The following HEATR5B variants were observed in gnomAD, a reference collection of about 807,000 sequenced individuals.
The protein encoded by HEATR5B is HEAT repeat containing 5B, also known as HEAT repeat-containing protein 5B.
In HEATR5B, 156 loss-of-function variants were observed where a neutral mutation model predicts 224.1. The observed-to-expected ratio is 0.70, with a 90% confidence interval of 0.61 to 0.80. The LOEUF (loss-of-function observed/expected upper bound fraction) is 0.80. Among genes scored for constraint, HEATR5B ranks in the 30% least tolerant of loss-of-function variants. The probability of loss-of-function intolerance (pLI) is 0.00; values close to 1 mark genes in which losing one functional copy is unlikely to be tolerated. For missense variants in HEATR5B, 2,323 were observed against 2,535.5 expected (o/e 0.92, Z 1.80); for synonymous variants, 1,027 against 893.0 (o/e 1.15, Z -2.68).
intron 7 of HEATR5B, among the ~76,000 whole-genome samples, chr2:37,069,339 G>A (rs1217113038): frequency 2.0e-5 from 3 of 152,130 alleles, no homozygotes; most frequent in Non-Finnish European, 4.4e-5. Flanking sequence ...TTTTATACTT[G>A]TTTCAGGATC....
chr2:37,007,376 T>C (rs2013223), intron 28 of HEATR5B, 72 bp from the exon 29 acceptor site: 845,071 of 1,412,040 alleles, frequency 0.6, 256,103 homozygotes, highest in African/African-American at 0.78. Flanking sequence ...CCAAGTCTCG[T>C]TCTGTCGCCC....
intron 18 of HEATR5B, among the ~76,000 whole-genome samples, chr2:37,044,277 T>A (rs1334818773): frequency 6.6e-6 from 1 of 152,212 alleles, no homozygotes; most frequent in Non-Finnish European, 1.5e-5. Flanking sequence ...TGTTGTCATA[T>A]TCCTTCCCCC....
chr2:37,079,081 A>C lies in HEATR5B; in HGVS notation c.338+39T>G, dbSNP rs1572952901. On this transcript the variant is annotated intron_variant, in intron 3 of 35. Coordinates refer to ENST00000233099, the MANE Select transcript of HEATR5B (RefSeq NM_019024.3). ...CCTACTAAGTTTCCTTGAAAGAAAA[A>C]ATAAAACTTCAAGGGCCCCTATTAA... is the stretch of plus-strand genomic sequence containing the variant. 5.3e-6 allele frequency: 7 copies of C among 1,314,070 alleles called. No homozygotes were observed. The East Asian group carries it at 1.7e-4, about 31-fold the overall frequency. The allele number at this position is 1,314,070 out of a possible 1,614,324, so 81.4% of individuals were successfully genotyped here.
rs559877759 is a variant in HEATR5B at position 37,082,384 on chromosome 2, C to A, written c.126+905G>T. On this transcript the variant is annotated intron_variant, in intron 2 of 35. Coordinates refer to ENST00000233099, the MANE Select transcript of HEATR5B (RefSeq NM_019024.3). Reference sequence around the variant, plus strand: ...CGTGAACCACCATGCCGGGCCATATCTACTTTTAAAGACAGAATATAAAAT... The same window carrying A: ...CGTGAACCACCATGCCGGGCCATATATACTTTTAAAGACAGAATATAAAAT... 5.3e-5 allele frequency among the ~76,000 whole-genome samples: 8 copies of A among 152,154 alleles called. No homozygotes were observed. In the South Asian group the frequency reaches 8.3e-4, roughly 16 times the overall value.
chr2:37,055,940 A>C (rs189691832), intron 16 of HEATR5B, among the ~76,000 whole-genome samples: 69 of 152,328 alleles, frequency 4.5e-4, no homozygotes, highest in African/African-American at 1.6e-3. Context: ...TTCTATTACA[A>C]AAAGAACCAA....
chr2:37,058,788 T>C, intron 13 of HEATR5B, 100 bp downstream of exon 13: 2 of 772,432 alleles, frequency 2.6e-6, no homozygotes, highest in Non-Finnish European at 4.2e-6. Context: ...TAAAGTTTTA[T>C]GTTTCCTAGA....
chr2:37,066,010 C>A, intron 8 of HEATR5B, 100 bp from the exon 9 acceptor site: 1 of 988,696 alleles, frequency 1.0e-6, no homozygotes, highest in Non-Finnish European at 1.5e-6. Flanking sequence ...CAGTTGATGT[C>A]CGAGTGTTAA....
Position 37,065,906 on chromosome 2 carries a change from T to G in HEATR5B, c.1182A>C (p.Ala394=), listed in dbSNP as rs754981369. 3 of 1,603,650 alleles carry G rather than the reference T, an allele frequency of 1.9e-6. No individual in the cohort carries two copies. Among genetic ancestry groups the G allele is most frequent in the South Asian group, 2.2e-5 (2 of 90,362 alleles). Residue 394 remains alanine, a synonymous_variant, in exon 9 of 36, where the codon GCA becomes GCC. Coordinates refer to ENST00000233099, the MANE Select transcript of HEATR5B (RefSeq NM_019024.3). ...AIGKQMKAVE[A]VVNDTSGENK... ...TTTCTCCACTTGTGTCATTCACTAC[T>G]GCTTCTGGAAACACAAAATCATGTC...
chr2:37,050,145 A>G (rs997485103), intron 17 of HEATR5B, among the ~76,000 whole-genome samples: 8 of 152,188 alleles, frequency 5.3e-5, no homozygotes, highest in African/African-American at 9.7e-5. Context: ...CTCCTGCCTG[A>G]GCCTCCTAAC....
At chr2:37,005,537 G>A in intron 30 of HEATR5B, 95 bp downstream of exon 30, 3 of 1,104,090 alleles carry the variant, frequency 2.7e-6, no homozygotes, top group Non-Finnish European at 4.0e-6. Context: ...GTTAAAATAG[G>A]ATCCAATACA....
intron 18 of HEATR5B, among the ~76,000 whole-genome samples, chr2:37,042,808 C>G (rs1411345193): frequency 6.7e-6 from 1 of 150,016 alleles, no homozygotes; most frequent in African/African-American, 2.5e-5. Context: ...AGGAGAATCA[C>G]TTAAACCAGG....
At chr2:37,011,625 C>G (rs1459102771) in intron 27 of HEATR5B, among the ~76,000 whole-genome samples, 5 of 152,166 alleles carry the variant, frequency 3.3e-5, no homozygotes, top group Admixed American at 3.3e-4. Flanking sequence ...AGGGTTTTCC[C>G]ATGTGAATAC....
At chr2:37,075,683 T>G in intron 4 of HEATR5B, 49 bp from the exon 5 acceptor site, 2 of 1,495,692 alleles carry the variant, frequency 1.3e-6, no homozygotes, top group Non-Finnish European at 1.8e-6. Flanking sequence ...AATTCCATAT[T>G]TAAACAAGAA....
intron 18 of HEATR5B, among the ~76,000 whole-genome samples, chr2:37,044,853 A>G (rs1416621194): frequency 3.3e-5 from 5 of 152,088 alleles, no homozygotes; most frequent in African/African-American, 9.7e-5. Flanking sequence ...TTTTCTCTCT[A>G]CGCCTCATTT....
At chr2:36,993,015 G>A (rs901035261) in intron 33 of HEATR5B, among the ~76,000 whole-genome samples, 5 of 152,260 alleles carry the variant, frequency 3.3e-5, no homozygotes, top group African/African-American at 1.2e-4. Context: ...TTAAACCAAG[G>A]TGTCCGGCCC....
In HEATR5B at chr2:37,025,595, A is replaced by T. The variant is rs189987144; in HGVS notation, c.3853+2328T>A. Among the ~76,000 whole-genome samples, 347 of 152,278 alleles carry T rather than the reference A, an allele frequency of 2.3e-3. 7 individuals carry two copies. The highest frequency in any genetic ancestry group is 4.4e-4 in the Non-Finnish European group (30 of 68,026). On this transcript the variant is annotated intron_variant, in intron 24 of 35. Transcript: ENST00000233099. ...GGTGGGAGAAACGTAGACAAATTAC[A>T]GGAAAATTAAAAAAAATTAAAGCAG...
intron 5 of HEATR5B, among the ~76,000 whole-genome samples, 159 bp from the exon 6 acceptor site, chr2:37,072,440 G>C (rs762330371): frequency 6.6e-6 from 1 of 152,182 alleles, no homozygotes; most frequent in Non-Finnish European, 1.5e-5. Context: ...AGGCAATGAA[G>C]CATCTTTGAG....
intron 16 of HEATR5B, among the ~76,000 whole-genome samples, chr2:37,054,387 G>T (rs1333415555): frequency 6.6e-6 from 1 of 150,776 alleles, no homozygotes; most frequent in Non-Finnish European, 1.5e-5. Flanking sequence ...CTCCATGTTG[G>T]TCAGGCTGGT....
chr2:37,035,905 C>T (rs1432966108), intron 21 of HEATR5B, among the ~76,000 whole-genome samples: 1 of 152,270 alleles, frequency 6.6e-6, no homozygotes, highest in Non-Finnish European at 1.5e-5. Flanking sequence ...CCTCCTCCTC[C>T]GATGTTGCCA....
Sources: allele counts gnomAD v4.1 joint callset (sites outside exome capture counted in the v4.1 genomes callset), GRCh38; gene constraint gnomAD v4.1.1; transcripts MANE v1.5; gene names NCBI Gene and HGNC (gene_info 2026-07-23, HGNC 2026-07-21).